Variants in PLPP4 observed in about 807,000 individuals in gnomAD.
The protein encoded by PLPP4 is phospholipid phosphatase 4.
A neutral mutation model predicts 32.2 loss-of-function variants in PLPP4; 20 were observed. That is an observed-to-expected ratio of 0.62 (90% CI 0.44 to 0.90). The LOEUF (loss-of-function observed/expected upper bound fraction) is 0.90. Ranked by LOEUF, PLPP4 falls within the 40% of genes least tolerant of loss-of-function variation. The probability of loss-of-function intolerance (pLI) is 0.00; values close to 1 mark genes in which losing one functional copy is unlikely to be tolerated. For missense variants in PLPP4, 257 were observed against 353.1 expected, an observed-to-expected ratio of 0.73 and a Z score of 2.18; for synonymous variants, 127 against 133.0, an observed-to-expected ratio of 0.95 and a Z score of 0.31.
intron 6 of PLPP4, among the ~76,000 whole-genome samples, chr10:120,580,666 C>CACACAG (rs1170893379): frequency 6.9e-5 from 10 of 144,840 alleles, no homozygotes; most frequent in Non-Finnish European, 1.5e-4. Context: ...CACACACACA[C>CACACAG]ACACACACAC....
At chr10:120,530,858 A>G (rs534209391) in intron 5 of PLPP4, among the ~76,000 whole-genome samples, 8 of 152,268 alleles carry the variant, frequency 5.3e-5, no homozygotes, top group African/African-American at 1.9e-4. Flanking sequence ...TGGTGGGTGC[A>G]TAGTGGTATC....
chr10:120,503,977 C>A, intron 2 of PLPP4, 51 bp downstream of exon 2: 1 of 1,269,646 alleles, frequency 7.9e-7, no homozygotes, highest in Non-Finnish European at 1.1e-6. Context: ...AAAGATGAAC[C>A]AAATGGGTTT....
At chr10:120,519,238 C>T (rs1272384133) in intron 4 of PLPP4, among the ~76,000 whole-genome samples, 1 of 152,140 alleles carries the variant, frequency 6.6e-6, no homozygotes, top group Non-Finnish European at 1.5e-5. Flanking sequence ...GATTACTTAC[C>T]TGTCATTCTC....
chr10:120,490,590 G>A (rs111572779), intron 1 of PLPP4, among the ~76,000 whole-genome samples: 11 of 152,220 alleles, frequency 7.2e-5, no homozygotes, highest in African/African-American at 1.2e-4. Context: ...GGCTGTATTT[G>A]TGGCTGTTTC....
At chr10:120,571,120 GTGTGTGTGTGTGGTC>G (rs1327337523) in intron 5 of PLPP4, among the ~76,000 whole-genome samples, 1 of 118,358 alleles carries the variant, frequency 8.4e-6, no homozygotes, top group Non-Finnish European at 1.9e-5. Flanking sequence ...GTGTGTGTGT[GTGTGTGTGTGTGGTC>G]TGTGTGTCTC....
intron 6 of PLPP4, among the ~76,000 whole-genome samples, chr10:120,589,046 AAAC>A (rs1298007544): frequency 3.9e-5 from 6 of 152,272 alleles, no homozygotes; most frequent in Non-Finnish European, 7.4e-5. Flanking sequence ...ATTCCATCAA[AAAC>A]AACAACAACA....
intron 1 of PLPP4, among the ~76,000 whole-genome samples, chr10:120,465,346 T>C (rs1241772841): frequency 6.6e-6 from 1 of 151,960 alleles, no homozygotes; most frequent in Non-Finnish European, 1.5e-5. Context: ...CTGGGGCGAG[T>C]GAGAGGAGGC....
At chr10:120,538,038 C>CTGTGTGTGTG (rs1564825114) in intron 5 of PLPP4, among the ~76,000 whole-genome samples, 1 of 48,046 alleles carries the variant, frequency 2.1e-5, no homozygotes, top group African/African-American at 7.0e-5. Flanking sequence ...CTCTCTCTCT[C>CTGTGTGTGTG]TCTCTCTCTC....
intron 5 of PLPP4, among the ~76,000 whole-genome samples, chr10:120,549,725 A>C (rs1057471748): frequency 3.3e-5 from 5 of 151,438 alleles, no homozygotes; most frequent in African/African-American, 9.7e-5. Context: ...AAGTAAGCAC[A>C]TTAACAAAAT....
chr10:120,534,995 G>C (rs1399919978), intron 5 of PLPP4, among the ~76,000 whole-genome samples: 2 of 152,104 alleles, frequency 1.3e-5, no homozygotes, highest in Non-Finnish European at 1.5e-5. Context: ...TGTGTGATCA[G>C]ACTTTCCTGT....
intron 1 of PLPP4, among the ~76,000 whole-genome samples, chr10:120,480,344 G>A (rs189618337): frequency 2.6e-5 from 4 of 152,162 alleles, no homozygotes; most frequent in Non-Finnish European, 4.4e-5. Context: ...TGCAGGCTGG[G>A]GAGGCTGTCC....
intron 2 of PLPP4, among the ~76,000 whole-genome samples, chr10:120,504,713 T>C (rs895186172): frequency 3.9e-5 from 6 of 152,264 alleles, no homozygotes; most frequent in African/African-American, 1.2e-4. Context: ...TGGGCTATGC[T>C]GAGTTACAGT....
chr10:120,496,912 AGTGTGT>A (rs3066553), intron 1 of PLPP4, among the ~76,000 whole-genome samples: 3,859 of 149,500 alleles, frequency 0.026, 143 homozygotes, highest in African/African-American at 0.088. Context: ...AGAATGTGTG[AGTGTGT>A]GTGTGTGTGT....
intron 5 of PLPP4, among the ~76,000 whole-genome samples, chr10:120,528,765 T>C (rs1161596793): frequency 1.3e-5 from 2 of 152,178 alleles, no homozygotes; most frequent in African/African-American, 2.4e-5. Context: ...GAGGGCAATG[T>C]TTCTCAACTT....
intron 1 of PLPP4, among the ~76,000 whole-genome samples, chr10:120,469,365 CT>C (rs1431972221): frequency 1.3e-5 from 2 of 151,840 alleles, no homozygotes; most frequent in Non-Finnish European, 2.9e-5. Flanking sequence ...GTAGCTGGGA[CT>C]ACAGGCGCCC....
chr10:120,562,664 C>A (rs867164023), intron 5 of PLPP4, among the ~76,000 whole-genome samples: 1 of 152,104 alleles, frequency 6.6e-6, no homozygotes, highest in Non-Finnish European at 1.5e-5. Context: ...TGTGTTAATG[C>A]GGTCATTTAT....
chr10:120,551,244 G>A (rs1389904214), intron 5 of PLPP4, among the ~76,000 whole-genome samples: 1 of 152,154 alleles, frequency 6.6e-6, no homozygotes, highest in African/African-American at 2.4e-5. Context: ...ATGTTGATGG[G>A]TATGGATTTA....
At chr10:120,569,797 A>G (rs1341833264) in intron 5 of PLPP4, among the ~76,000 whole-genome samples, 3 of 152,204 alleles carry the variant, frequency 2.0e-5, no homozygotes, top group African/African-American at 4.8e-5. Flanking sequence ...TCATTTGGGC[A>G]TTACATATCG....
intron 1 of PLPP4, among the ~76,000 whole-genome samples, chr10:120,473,574 G>T (rs1426383082): frequency 6.6e-6 from 1 of 152,084 alleles, no homozygotes; most frequent in Non-Finnish European, 1.5e-5. Flanking sequence ...CAGAACTTGG[G>T]TTCCCCTTCT....
Sources: gnomAD v4.1 joint callset for allele counts (sites outside exome capture counted in the v4.1 genomes callset) on GRCh38, gnomAD v4.1.1 for gene constraint, MANE v1.5 for transcripts, NCBI Gene and HGNC (gene_info 2026-07-23, HGNC 2026-07-21) for gene names.